FGF14: variants seen among roughly 807,000 people sequenced by gnomAD.
FGF14 encodes the protein fibroblast growth factor homologous factor 4.
FGF14 carries 5 observed loss-of-function variants against 25.5 expected under a neutral mutation model. The ratio of observed to expected loss-of-function variants is 0.20; its 90% CI spans 0.10 to 0.41. The LOEUF is 0.41. Ranked by LOEUF, FGF14 falls within the 10% of genes least tolerant of loss-of-function variation. The pLI is 1.00. For synonymous variants in FGF14, 138 were observed against 118.3 expected (o/e 1.17, Z -1.08); for missense variants, 222 against 320.1 (o/e 0.69, Z 2.34).
In FGF14 at chr13:101,722,685, T is replaced by A. The variant is rs904224562; in HGVS notation, c.*146A>T. On this transcript the variant is annotated 3_prime_UTR_variant, in exon 5 of 5. Coordinates refer to ENST00000376143, the MANE Select transcript of FGF14 (RefSeq NM_004115.4). ...GTGCAACAGGTTGAGATTTATCCAC[T>A]TGCAACAGAGAAGTTCGGAGACAGC... 2 of 1,098,556 alleles carry A rather than the reference T, an allele frequency of 1.8e-6. No individual in the cohort carries two copies. The highest frequency in any genetic ancestry group is 2.7e-6 in the Non-Finnish European group (2 of 747,736). The allele number at this position is 1,098,556 out of a possible 1,614,324, so 68.1% of individuals were successfully genotyped here. A position where few individuals can be genotyped will look rare whatever the true frequency, so the allele number is the denominator to read the frequency against.
chr13:102,177,725 A>T (rs1012440839), intron 1 of FGF14, among the ~76,000 whole-genome samples: 1 of 151,964 alleles, frequency 6.6e-6, no homozygotes, highest in Non-Finnish European at 1.5e-5. Flanking sequence ...TCCAAAGGGA[A>T]GTCTATTACC....
rs1341634913 is a variant in FGF14 at position 101,714,283 on chromosome 13, T to A, written c.*8548A>T. ...GGTGACCTTTATGAATTACAGTAAG[T>A]AAAGCTCCCCTCTGAGAAACCAGCC... On this transcript the variant is annotated 3_prime_UTR_variant, in exon 5 of 5. Coordinates refer to ENST00000376143, the MANE Select transcript of FGF14 (RefSeq NM_004115.4). The A allele has an allele frequency of 1.6e-6, 1 of 624,296 alleles. No individual in the cohort carries two copies. Among genetic ancestry groups the A allele is most frequent in the Non-Finnish European group, 2.9e-6 (1 of 347,414 alleles). The allele number at this position is 624,296 out of a possible 1,614,324, so 38.7% of individuals were successfully genotyped here. A position where few individuals can be genotyped will look rare whatever the true frequency, so the allele number is the denominator to read the frequency against.
upstream of FGF14, among the ~76,000 whole-genome samples, chr13:101,920,124 G>T (rs985222796): frequency 9.9e-5 from 15 of 152,172 alleles, no homozygotes; most frequent in African/African-American, 3.6e-4. Flanking sequence ...AGAGCCATCT[G>T]CTGTCTTAAG....
chr13:101,874,041 AC>A (rs1367709882), intron 2 of FGF14, among the ~76,000 whole-genome samples: 228 of 152,166 alleles, frequency 1.5e-3, no homozygotes, highest in African/African-American at 5.3e-3. Flanking sequence ...TGCACAAAAT[AC>A]AAAAAGTGAA....
chr13:102,102,089 C>T (rs2044689989), intron 1 of FGF14, among the ~76,000 whole-genome samples: 1 of 152,200 alleles, frequency 6.6e-6, no homozygotes, highest in Non-Finnish European at 1.5e-5. Flanking sequence ...GAACAAAAGA[C>T]AAACTCTAAT....
rs1344464406 is a variant in FGF14 at position 102,400,709 on chromosome 13, C to A, written c.208+762G>T. On this transcript the variant is annotated intron_variant, in intron 1 of 4. Transcript: ENST00000376131. This position sits in a 1 kb window ranked among gnomAD's most constrained non-coding sequence, Gnocchi z 4.3. The stretch of plus-strand genomic sequence containing the variant: ...CAGTAGGCTTAAAAGCAGGAACTCA[C>A]GGCCTGGCTCATCCCCACCCCTGGC... 3.3e-5 allele frequency among the ~76,000 whole-genome samples: 5 copies of A among 152,238 alleles called. No individual in the cohort carries two copies. The highest frequency in any genetic ancestry group is 1.2e-4 in the African/African-American group (5 of 41,474).
intron 1 of FGF14, among the ~76,000 whole-genome samples, chr13:102,269,278 T>A (rs1350341268): frequency 1.3e-5 from 2 of 152,192 alleles, no homozygotes; most frequent in Non-Finnish European, 2.9e-5. Flanking sequence ...ACTACAATTG[T>A]AAAACAAAGT....
chr13:102,139,924 G>A (rs994673313), intron 1 of FGF14, among the ~76,000 whole-genome samples: 7 of 151,866 alleles, frequency 4.6e-5, no homozygotes, highest in African/African-American at 1.7e-4. Context: ...TATTTTCATT[G>A]TCATGTAATT....
At chr13:102,260,332 C>T (rs887849722) in intron 1 of FGF14, among the ~76,000 whole-genome samples, 2 of 152,168 alleles carry the variant, frequency 1.3e-5, no homozygotes, top group African/African-American at 2.4e-5. Flanking sequence ...AACCCAACCA[C>T]GCTTTTTTTT....
At chr13:101,868,623 A>T in intron 3 of FGF14, 102 bp downstream of exon 3, 1 of 821,008 alleles carries the variant, frequency 1.2e-6, no homozygotes, top group Admixed American at 1.7e-5. Flanking sequence ...TAAGGCAAAA[A>T]CTGGCAGAAA....
chr13:101,941,730 A>G (rs1427689970), intron 1 of FGF14, among the ~76,000 whole-genome samples: 1 of 152,240 alleles, frequency 6.6e-6, no homozygotes, highest in African/African-American at 2.4e-5. Flanking sequence ...ACAAATTGAA[A>G]TGTCCTTAAG....
At chr13:101,893,728 C>G (rs59404058) in intron 1 of FGF14, among the ~76,000 whole-genome samples, 4,811 of 152,218 alleles carry the variant, frequency 0.032, 276 homozygotes, top group African/African-American at 0.11. Context: ...TTCTTTTCTA[C>G]AGCTTCCAAA....
chr13:102,108,920 T>A (rs1468623513), intron 1 of FGF14, among the ~76,000 whole-genome samples: 2 of 152,200 alleles, frequency 1.3e-5, no homozygotes, highest in Non-Finnish European at 2.9e-5. Flanking sequence ...ATACGTATAA[T>A]GTCAAAGACC....
chr13:101,862,910 T>A (rs1235685074), intron 3 of FGF14, among the ~76,000 whole-genome samples: 1 of 152,104 alleles, frequency 6.6e-6, no homozygotes, highest in East Asian at 1.9e-4. Flanking sequence ...TTAAAGTATG[T>A]GCAAATGTAA....
At chr13:101,803,078 G>A (rs1288857694) in intron 3 of FGF14, among the ~76,000 whole-genome samples, 1 of 151,790 alleles carries the variant, frequency 6.6e-6, no homozygotes, top group African/African-American at 2.4e-5. Context: ...GGGGTCAGCT[G>A]GCGTGAAAAT....
intron 1 of FGF14, among the ~76,000 whole-genome samples, chr13:102,047,421 C>T (rs986250328): frequency 1.3e-5 from 2 of 151,798 alleles, no homozygotes; most frequent in African/African-American, 4.8e-5. Flanking sequence ...CTGGCCTGTT[C>T]AGGACAAAAT....
intron 3 of FGF14, among the ~76,000 whole-genome samples, chr13:101,753,579 C>G (rs1566857709): frequency 1.3e-5 from 2 of 151,870 alleles, no homozygotes; most frequent in African/African-American, 4.8e-5. Flanking sequence ...CTGAGGCAGG[C>G]GCATCACCTG....
At chr13:101,807,247 A>G (rs1197302275) in intron 3 of FGF14, among the ~76,000 whole-genome samples, 1 of 152,070 alleles carries the variant, frequency 6.6e-6, no homozygotes, top group Non-Finnish European at 1.5e-5. Context: ...TCCCATTTTG[A>G]TCATTGAAAA....
chr13:102,347,794 G>A (rs547529057), intron 1 of FGF14, among the ~76,000 whole-genome samples: 18 of 152,156 alleles, frequency 1.2e-4, no homozygotes, highest in African/African-American at 4.3e-4. Context: ...CTTTTAACCC[G>A]AAATTCGAAT....
Sources: allele counts gnomAD v4.1 joint callset (sites outside exome capture counted in the v4.1 genomes callset), GRCh38; gene constraint gnomAD v4.1.1; non-coding constraint Gnocchi (gnomAD v3.1); transcripts MANE v1.5; gene names NCBI Gene and HGNC (gene_info 2026-07-23, HGNC 2026-07-21).